Variants in SHPRH observed in about 807,000 individuals in gnomAD.
SHPRH encodes SNF2 histone linker PHD RING helicase, also known as E3 ubiquitin-protein ligase SHPRH.
Under a neutral mutation model 202.5 loss-of-function variants are expected in SHPRH, and 106 were observed. The observed-to-expected ratio is 0.52, with a 90% CI of 0.45 to 0.62. The LOEUF (loss-of-function observed/expected upper bound fraction) is 0.62, where lower values mean the gene tolerates loss of function less well. SHPRH is among the 20% of genes least tolerant of loss of function. The pLI is 0.00. For synonymous variants in SHPRH, 729 were observed against 686.0 expected (o/e 1.06, Z -0.98); for missense variants, 1,710 against 2,020.0 (o/e 0.85, Z 2.94).
chr6:145,892,451 G>A (rs1781648493), intron 28 of SHPRH, among the ~76,000 whole-genome samples: 1 of 151,926 alleles, frequency 6.6e-6, no homozygotes, highest in Admixed American at 6.6e-5. Context: ...ACCTCCTTGG[G>A]GAAATAAATT....
intron 3 of SHPRH, 139 bp from the exon 4 acceptor site, chr6:145,950,621 C>T (rs1562368106): frequency 1.5e-6 from 1 of 670,134 alleles, no homozygotes; most frequent in East Asian, 2.7e-5. Flanking sequence ...AAGGCCCTAT[C>T]TTTAATTCTT....
rs1256151201 is a variant in SHPRH, at chr6:145,935,456, T to C, written c.2570-15A>G. The C allele has an allele frequency of 2.5e-6, 4 of 1,611,948 alleles. No homozygotes were observed. The highest frequency in any genetic ancestry group is 3.4e-6 in the Non-Finnish European group (4 of 1,179,264). On this transcript the variant is annotated splice_polypyrimidine_tract_variant and intron_variant, in intron 11 of 29. Transcript: ENST00000275233. ...CCCAAAAAGATCTGAAAAGAAAAAA[T>C]AAAATACATTGAGGATAACTCTATT...
intron 11 of SHPRH, among the ~76,000 whole-genome samples, chr6:145,940,036 A>C (rs1443574854): frequency 3.9e-5 from 6 of 152,164 alleles, no homozygotes; most frequent in African/African-American, 1.4e-4. Flanking sequence ...TAAACTTTTC[A>C]TTTTAGATAT....
chr6:145,952,348 C>T lies in SHPRH; in HGVS notation c.763+1G>A, dbSNP rs1351982787. Reference sequence around the variant, plus strand: ...ATTTTTAAGTTTACTGTAAATATTACCTGGAATAATAGAATTGTGTAACTT... The same window carrying T: ...ATTTTTAAGTTTACTGTAAATATTATCTGGAATAATAGAATTGTGTAACTT... On this transcript the variant is annotated splice_donor_variant, in intron 3 of 29. Transcript: ENST00000275233. LOFTEE classifies it high-confidence loss of function. The T allele has an allele frequency of 6.3e-7, 1 of 1,591,048 alleles. No homozygotes were observed. The highest frequency in any genetic ancestry group is 8.6e-7 in the Non-Finnish European group (1 of 1,169,104).
In SHPRH at chr6:145,894,241, A is replaced by G. The variant is rs1219152401; in HGVS notation, c.4609-5T>C. On this transcript the variant is annotated splice_polypyrimidine_tract_variant and splice_region_variant and intron_variant, in intron 26 of 29. Transcript: ENST00000275233. Reference sequence around the variant, plus strand: ...AATATCTAATACATCTTGCCACTAGAACACATAAAACAATAAGAAAACCAA... The same window carrying G: ...AATATCTAATACATCTTGCCACTAGGACACATAAAACAATAAGAAAACCAA... 1 of 1,578,102 alleles carries G rather than the reference A, an allele frequency of 6.3e-7. No individual in the cohort carries two copies. The highest frequency in any genetic ancestry group is 8.6e-7 in the Non-Finnish European group (1 of 1,164,494).
chr6:145,861,806 C>CA (rs1323657400), downstream of SHPRH, among the ~76,000 whole-genome samples: 3 of 152,106 alleles, frequency 2.0e-5, no homozygotes, highest in African/African-American at 7.2e-5. Flanking sequence ...CACATACACA[C>CA]AGTGGGATAT....
intron 23 of SHPRH, among the ~76,000 whole-genome samples, chr6:145,914,245 C>A (rs573602628): frequency 6.6e-6 from 1 of 152,162 alleles, no homozygotes; most frequent in East Asian, 1.9e-4. Context: ...GAGGGCTGGG[C>A]TGAGCTGAGG....
chr6:145,932,504 G>A (rs1429756318), intron 14 of SHPRH, among the ~76,000 whole-genome samples: 2 of 151,972 alleles, frequency 1.3e-5, no homozygotes, highest in Non-Finnish European at 1.5e-5. Flanking sequence ...ACACATATAC[G>A]TTCTGTGTGT....
intron 5 of SHPRH, 33 bp from the exon 6 acceptor site, chr6:145,947,676 G>A (rs1787541560): frequency 1.2e-6 from 2 of 1,605,816 alleles, no homozygotes; most frequent in Admixed American, 1.7e-5. Flanking sequence ...TCACATCATA[G>A]GAATGTGAAT....
chr6:145,940,507 C>T lies in SHPRH; in HGVS notation c.2569+216G>A, dbSNP rs117692044. ...AATTGTTCAACTTAAGGCAATGAGA[C>T]CTCTTAATATATATCGGTCCTCATA... On this transcript the variant is annotated intron_variant, in intron 11 of 29. Transcript: ENST00000275233. Among the ~76,000 whole-genome samples the T allele has an allele frequency of 4.2e-3, 634 of 151,970 alleles. 18 individuals are homozygous for T. The East Asian group carries it at 0.072, about 17-fold the overall frequency.
chr6:145,884,739 C>T (rs1780847350), downstream of SHPRH: 1 of 152,080 alleles, frequency 6.6e-6, no homozygotes, highest in South Asian at 2.1e-4. Context: ...ATTTTGATAT[C>T]TTTTGTTGAA....
downstream of SHPRH, chr6:145,883,466 A>G (rs1326736298): frequency 6.6e-6 from 1 of 152,250 alleles, no homozygotes; most frequent in Non-Finnish European, 1.5e-5. Flanking sequence ...ACTCAGAGGC[A>G]ACACCACATA....
chr6:145,896,994 A>G (rs1782066798), intron 25 of SHPRH, among the ~76,000 whole-genome samples: 1 of 151,982 alleles, frequency 6.6e-6, no homozygotes, highest in African/African-American at 2.4e-5. Context: ...GGAACTGGAA[A>G]AAGAAGAGCA....
intron 14 of SHPRH, among the ~76,000 whole-genome samples, chr6:145,932,766 A>G (rs936029793): frequency 6.6e-6 from 1 of 152,182 alleles, no homozygotes. Flanking sequence ...TTAAACTATT[A>G]AAGTCTAAGA....
In SHPRH at chr6:145,954,134, A is replaced by G. The variant is rs563581806; in HGVS notation, c.633+556T>C. Among the ~76,000 whole-genome samples, 9 of 149,928 alleles carry G rather than the reference A, an allele frequency of 6.0e-5. No homozygotes were observed. In the East Asian group the frequency reaches 1.8e-3, roughly 29 times the overall value. On this transcript the variant is annotated intron_variant, in intron 2 of 29. Coordinates refer to ENST00000275233, the MANE Select transcript of SHPRH (RefSeq NM_001042683.3). Reference sequence around the variant, plus strand: ...AACCAGGAATTACCAGGGAAGGGGAAGGGAACAACTCAAGCAGAAGGAACT... The same window carrying G: ...AACCAGGAATTACCAGGGAAGGGGAGGGGAACAACTCAAGCAGAAGGAACT...
In SHPRH at chr6:145,922,698, G is replaced by T; in HGVS notation, c.3684C>A (p.Val1228=). ...GAAGTCTGGCTGGTCGGAGGTGACA[G>T]ACTGTTGCAGACTCAATAACATTAC... is the stretch of plus-strand genomic sequence containing the variant. ...PSRNVIESAT[V]CHLRPARLPL... is the part of the protein sequence containing the mutation. Residue 1228 remains valine, a synonymous_variant, in exon 19 of 30, where the codon GTC becomes GTA. Coordinates refer to ENST00000275233, the MANE Select transcript of SHPRH (RefSeq NM_001042683.3). 1 of 1,610,214 alleles carries T rather than the reference G, an allele frequency of 6.2e-7. No homozygotes were observed. Among genetic ancestry groups the T allele is most frequent in the East Asian group, 2.2e-5 (1 of 44,634 alleles).
At chr6:145,884,758 C>A (rs562809947), downstream of SHPRH, 12 of 152,070 alleles carry the variant, frequency 7.9e-5, no homozygotes, top group South Asian at 2.1e-4. Flanking sequence ...AAAGAAAAAA[C>A]CAAAAAACCC....
At chr6:145,898,226 C>A (rs562994439) in intron 25 of SHPRH, among the ~76,000 whole-genome samples, 1 of 151,350 alleles carries the variant, frequency 6.6e-6, no homozygotes, top group Admixed American at 6.6e-5. Flanking sequence ...CCAAAAAGGA[C>A]GTCAAGAAAA....
At chr6:145,897,308 G>C (rs1021684402) in intron 25 of SHPRH, among the ~76,000 whole-genome samples, 1 of 151,924 alleles carries the variant, frequency 6.6e-6, no homozygotes, top group Non-Finnish European at 1.5e-5. Flanking sequence ...TAAATTCCCA[G>C]AAACATACAA....
Sources: gnomAD v4.1 joint callset for allele counts (sites outside exome capture counted in the v4.1 genomes callset) on GRCh38, gnomAD v4.1.1 for gene constraint, MANE v1.5 for transcripts, NCBI Gene and HGNC (gene_info 2026-07-23, HGNC 2026-07-21) for gene names.